Variants in RABL3 observed in about 807,000 individuals in gnomAD.
RABL3 encodes rab-like protein 3.
A neutral mutation model predicts 31.8 loss-of-function variants in RABL3; 31 were observed. The ratio of observed to expected loss-of-function variants is 0.97; its 90% CI spans 0.73 to 1.31. The LOEUF is 1.31. Ranked by LOEUF, RABL3 falls within the 40% of genes most tolerant of loss-of-function variation. The pLI is 0.00. For synonymous variants in RABL3, 97 were observed against 99.9 expected (o/e 0.97, Z 0.18); for missense variants, 263 against 279.6 (o/e 0.94, Z 0.42).
rs533181673 is a variant in RABL3 at position 120,724,875 on chromosome 3, A to C, written c.138+5821T>G. Among the ~76,000 whole-genome samples the C allele has an allele frequency of 3.0e-4, 45 of 152,238 alleles. 1 individual carries two copies. In the South Asian group the frequency reaches 5.6e-3, roughly 19 times the overall value. ...GAAGAAAACCTAGGCAATACCATTC[A>C]GGACATAGGCATGGGCAAGGACTTC... On this transcript the variant is annotated intron_variant, in intron 2 of 7. Coordinates refer to ENST00000273375, the MANE Select transcript of RABL3 (RefSeq NM_173825.5).
intron 4 of RABL3, 113 bp downstream of exon 4, chr3:120,705,887 C>A: frequency 1.4e-6 from 1 of 716,964 alleles, no homozygotes; most frequent in Non-Finnish European, 2.5e-6. Flanking sequence ...AAAAGATAAT[C>A]TATACACTGA....
intron 6 of RABL3, among the ~76,000 whole-genome samples, chr3:120,691,903 GCT>G (rs1708384006): frequency 6.6e-6 from 1 of 152,142 alleles, no homozygotes; most frequent in African/African-American, 2.4e-5. Flanking sequence ...AGACCAGCTT[GCT>G]CTCTCTGGTG....
At chr3:120,706,671 A>G (rs974620950) in intron 3 of RABL3, among the ~76,000 whole-genome samples, 8 of 148,512 alleles carry the variant, frequency 5.4e-5, no homozygotes, top group Non-Finnish European at 1.5e-5. Context: ...AGACTAATCT[A>G]TTCAAATGTC....
At chr3:120,713,296 G>A (rs1263794397) in intron 2 of RABL3, among the ~76,000 whole-genome samples, 3 of 152,146 alleles carry the variant, frequency 2.0e-5, no homozygotes, top group African/African-American at 7.2e-5. Flanking sequence ...AGAAGATAAG[G>A]TGTCTTCTTT....
intron 2 of RABL3, among the ~76,000 whole-genome samples, chr3:120,723,966 AG>A (rs1390401486): frequency 5.3e-5 from 8 of 152,162 alleles, no homozygotes; most frequent in African/African-American, 1.4e-4. Context: ...AGGCAGGAGA[AG>A]GAAATAAAGG....
At chr3:120,741,069 G>A (rs545836727) in intron 1 of RABL3, among the ~76,000 whole-genome samples, 1 of 152,246 alleles carries the variant, frequency 6.6e-6, no homozygotes, top group Non-Finnish European at 1.5e-5. Context: ...AATAGAAAAT[G>A]GAATTATAAA....
At position 120,685,462 on chromosome 3, in the gene RABL3, G is replaced by T. The variant is rs1708298428; in HGVS notation, c.*4361C>A. Among the ~76,000 whole-genome samples, 1 of 152,206 alleles carries T rather than the reference G, an allele frequency of 6.6e-6. No homozygotes were observed. Among genetic ancestry groups the T allele is most frequent in the Non-Finnish European group, 1.5e-5 (1 of 68,046 alleles). On this transcript the variant is annotated 3_prime_UTR_variant, in exon 8 of 8. Transcript: ENST00000273375. ...CACAGTACTAGAGAGGGGGCTGTGT[G>T]TAAGATGGCAAGGCACTGGTTAGAA...
intron 1 of RABL3, among the ~76,000 whole-genome samples, chr3:120,739,319 G>C (rs1392883686): frequency 6.6e-6 from 1 of 152,106 alleles, no homozygotes; most frequent in African/African-American, 2.4e-5. Flanking sequence ...AGAGGCTGCA[G>C]TGAGCCGAGA....
intron 1 of RABL3, among the ~76,000 whole-genome samples, chr3:120,738,136 A>C (rs759245919): frequency 1.3e-5 from 2 of 152,188 alleles, no homozygotes; most frequent in Non-Finnish European, 2.9e-5. Flanking sequence ...GGCCTCCTTG[A>C]GCTGCGGTGG....
rs190327562 is a variant in RABL3 at position 120,725,146 on chromosome 3, A to T, written c.138+5550T>A. On this transcript the variant is annotated intron_variant, in intron 2 of 7. Coordinates refer to ENST00000273375, the MANE Select transcript of RABL3 (RefSeq NM_173825.5). ...CAACAAGTGAGTGAAGGATATGAAC[A>T]GACACTTCTCAAAAGAAGACATTTA... Among the ~76,000 whole-genome samples, 493 of 152,318 alleles carry T rather than the reference A, an allele frequency of 3.2e-3. 10 individuals are homozygous for T. Among genetic ancestry groups the T allele is most frequent in the East Asian group, 0.023 (120 of 5,186 alleles).
rs565376418 is a variant in RABL3, at chr3:120,692,924, G to T, written c.606+1229C>A. Among the ~76,000 whole-genome samples, 75 of 152,156 alleles carry T rather than the reference G, an allele frequency of 4.9e-4. 1 individual carries two copies. The highest frequency in any genetic ancestry group is 1.8e-3 in the African/African-American group (73 of 41,518). On this transcript the variant is annotated intron_variant, in intron 6 of 7. Transcript: ENST00000273375. The stretch of plus-strand genomic sequence containing the variant: ...TAAGGGACAGAATTTTGTATTGATG[G>T]GGCCATAGATCTAAACCAAATGGAA...
chr3:120,716,648 G>A (rs1281121194), intron 2 of RABL3, among the ~76,000 whole-genome samples: 3 of 149,664 alleles, frequency 2.0e-5, no homozygotes, highest in East Asian at 2.0e-4. Context: ...GAAAAAAAAA[G>A]AGGCAACTGT....
At chr3:120,706,146 C>T in intron 3 of RABL3, 32 bp from the exon 4 acceptor site, 1 of 1,329,504 alleles carries the variant, frequency 7.5e-7, no homozygotes, top group South Asian at 1.2e-5. Context: ...ATGTTAATCC[C>T]TTAACAATTC....
intron 1 of RABL3, among the ~76,000 whole-genome samples, chr3:120,739,001 T>C (rs77757100): frequency 0.091 from 13,809 of 152,220 alleles, 865 homozygotes; most frequent in Non-Finnish European, 0.14. Context: ...CCACCAGCCA[T>C]ACACTTGAGC....
chr3:120,695,112 C>A (rs1290846317), intron 5 of RABL3, among the ~76,000 whole-genome samples: 2 of 151,910 alleles, frequency 1.3e-5, no homozygotes, highest in African/African-American at 4.8e-5. Flanking sequence ...AGCTATAGAC[C>A]CTCTGTGCCC....
Position 120,701,784 on chromosome 3 carries a change from C to T in RABL3, c.384-3211G>A, listed in dbSNP as rs370471397. Among the ~76,000 whole-genome samples the T allele has an allele frequency of 2.1e-4, 32 of 152,254 alleles. No homozygotes were observed. In the East Asian group the frequency reaches 5.8e-3, roughly 28 times the overall value. On this transcript the variant is annotated intron_variant, in intron 4 of 7. Coordinates refer to ENST00000273375, the MANE Select transcript of RABL3 (RefSeq NM_173825.5). ...GAAAACAAAGCCTTTGAAAGACTTG[C>T]TTCAATCAAAAGATAGAAAATGGGG...
In RABL3 at chr3:120,709,810, T is replaced by C; in HGVS notation, c.238A>G (p.Thr80Ala). ...SVGSASSVKS[T>A]RAVFYNSVNG... is the part of the protein sequence containing the mutation. The stretch of plus-strand genomic sequence containing the variant: ...ACGGAGTTGTAGAATACTGCTCTTG[T>C]GCTTTTCACGCTGCTGGCACTGCCC... The change falls in exon 3 of 8, where the codon ACA becomes GCA. Residue 80 changes from threonine to alanine, a missense_variant. By Grantham distance (58) the Thr-to-Ala change is moderately conservative (BLOSUM62 0). Transcript: ENST00000273375. 1 of 1,612,378 alleles carries C rather than the reference T, an allele frequency of 6.2e-7. No individual in the cohort carries two copies.
intron 1 of RABL3, among the ~76,000 whole-genome samples, chr3:120,742,092 A>C (rs1221813944): frequency 6.6e-6 from 1 of 151,694 alleles, no homozygotes; most frequent in African/African-American, 2.4e-5. Flanking sequence ...AAATCTCTTG[A>C]AGGCACGGTC....
intron 2 of RABL3, among the ~76,000 whole-genome samples, chr3:120,716,497 CTT>C (rs1378773818): frequency 3.9e-5 from 6 of 151,996 alleles, no homozygotes; most frequent in Admixed American, 2.6e-4. Flanking sequence ...TTGGTTGGCT[CTT>C]AATAGATTTG....
Sources: allele counts gnomAD v4.1 joint callset (sites outside exome capture counted in the v4.1 genomes callset), GRCh38; gene constraint gnomAD v4.1.1; transcripts MANE v1.5; gene names NCBI Gene and HGNC (gene_info 2026-07-23, HGNC 2026-07-21).